The following ESRRG variants were observed in gnomAD, a reference collection of about 807,000 sequenced individuals.
ESRRG encodes the protein estrogen-related receptor gamma.
In ESRRG, 13 loss-of-function variants were observed where a neutral mutation model predicts 44.0. That is an observed-to-expected ratio of 0.30 (90% CI 0.19 to 0.47). The LOEUF (loss-of-function observed/expected upper bound fraction) is 0.47, where lower values mean the gene tolerates loss of function less well. Among genes scored for constraint, ESRRG ranks in the 20% least tolerant of loss-of-function variants. The probability of loss-of-function intolerance (pLI) is 1.00; values close to 1 mark genes in which losing one functional copy is unlikely to be tolerated. For missense variants in ESRRG, 395 were observed against 580.6 expected (o/e 0.68, Z 3.29); for synonymous variants, 215 against 214.6 (o/e 1.00, Z -0.02).
chr1:216,744,402 T>C (rs746305680), intron 2 of ESRRG, among the ~76,000 whole-genome samples: 18 of 152,174 alleles, frequency 1.2e-4, no homozygotes, highest in South Asian at 8.3e-4. Flanking sequence ...ACAACATTCA[T>C]AGGGTAACTC....
At chr1:216,673,553 A>C (rs1043471092) in intron 2 of ESRRG, among the ~76,000 whole-genome samples, 5 of 152,196 alleles carry the variant, frequency 3.3e-5, no homozygotes, top group African/African-American at 1.2e-4. Flanking sequence ...GAGCACATAC[A>C]TCAATGCCAA....
chr1:217,081,232 T>TTTC lies in ESRRG; in HGVS notation c.-106+8274_-106+8275insGAA, dbSNP rs1466832258. 1.0e-4 allele frequency among the ~76,000 whole-genome samples: 13 copies of TTTC among 129,344 alleles called. 1 individual carries two copies. The highest frequency in any genetic ancestry group is 1.8e-4 in the Non-Finnish European group (11 of 60,936). The allele number at this position is 129,344 out of a possible 152,430, so 84.9% of individuals were successfully genotyped here. A position where few individuals can be genotyped will look rare whatever the true frequency, so the allele number is the denominator to read the frequency against. Reference sequence around the variant, plus strand: ...TAGATAAAAATATTCTTTTTTTTTTTTTTTTTTTTTTTGAGACAGAGTTTT... The same window carrying TTTC: ...TAGATAAAAATATTCTTTTTTTTTTTTTCTTTTTTTTTTTTGAGACAGAGTTTT... On this transcript the variant is annotated intron_variant, in intron 1 of 7. Transcript: ENST00000359162.
chr1:216,701,281 TTGCTTCCCAAAA>T (rs2081345330), intron 1 of ESRRG: 2 of 152,178 alleles, frequency 1.3e-5, no homozygotes, highest in African/African-American at 4.8e-5. Context: ...CCACACTATC[TTGCTTCCCAAAA>T]TAAAGTGCAT....
At chr1:216,596,587 G>C (rs1182970745) in intron 3 of ESRRG, among the ~76,000 whole-genome samples, 2 of 152,170 alleles carry the variant, frequency 1.3e-5, no homozygotes, top group Non-Finnish European at 2.9e-5. Flanking sequence ...ATTTCTGTTT[G>C]TGAACATTAA....
At chr1:216,644,168 G>A (rs548192204) in intron 3 of ESRRG, among the ~76,000 whole-genome samples, 11 of 152,180 alleles carry the variant, frequency 7.2e-5, no homozygotes, top group African/African-American at 2.7e-4. Context: ...ATACTGGGTG[G>A]GGTCTTAACA....
At chr1:217,034,453 C>T (rs1238416522) in intron 1 of ESRRG, among the ~76,000 whole-genome samples, 1 of 152,110 alleles carries the variant, frequency 6.6e-6, no homozygotes, top group South Asian at 2.1e-4. Context: ...TGCTGCCACT[C>T]CTGGGTCTAG....
intron 3 of ESRRG, among the ~76,000 whole-genome samples, chr1:216,617,062 T>C (rs2061517090): frequency 1.3e-5 from 2 of 152,162 alleles, no homozygotes; most frequent in Non-Finnish European, 2.9e-5. Context: ...ATAAAACTCA[T>C]CCAATCTGTT....
Position 216,669,290 on chromosome 1 carries a change from C to T in ESRRG, c.472+7786G>A, listed in dbSNP as rs575214915. Reference sequence around the variant, plus strand: ...GGTGACTTCCCAAGTCAGAACAAACCGTGGAAAAGGAATCACTACTCATTT... The same window carrying T: ...GGTGACTTCCCAAGTCAGAACAAACTGTGGAAAAGGAATCACTACTCATTT... On this transcript the variant is annotated intron_variant, in intron 2 of 6. Transcript: ENST00000408911. Among the ~76,000 whole-genome samples, 16 of 152,190 alleles carry T rather than the reference C, an allele frequency of 1.1e-4. No individual in the cohort carries two copies. In the South Asian group the frequency reaches 2.1e-3, roughly 20 times the overall value.
chr1:216,757,122 C>G (rs1576210013), intron 2 of ESRRG, among the ~76,000 whole-genome samples: 1 of 152,028 alleles, frequency 6.6e-6, no homozygotes, highest in Non-Finnish European at 1.5e-5. Flanking sequence ...CTAATTCAGA[C>G]TGTAAATCTT....
intron 5 of ESRRG, among the ~76,000 whole-genome samples, chr1:216,544,531 A>C (rs547707919): frequency 6.6e-6 from 1 of 152,146 alleles, no homozygotes; most frequent in African/African-American, 2.4e-5. Context: ...TTGGTGCTTA[A>C]TCTGCGTTTC....
chr1:216,945,232 AAG>A (rs1255825135), intron 1 of ESRRG, among the ~76,000 whole-genome samples: 1 of 152,060 alleles, frequency 6.6e-6, no homozygotes, highest in Non-Finnish European at 1.5e-5. Context: ...CAAAGATGAG[AAG>A]AGAGAGTGCT....
chr1:217,111,895 G>A (rs2092665531), intron 1 of ESRRG, among the ~76,000 whole-genome samples: 1 of 152,128 alleles, frequency 6.6e-6, no homozygotes, highest in South Asian at 2.1e-4. Context: ...GACTTCCAAG[G>A]CTCACTCTTA....
intron 2 of ESRRG, among the ~76,000 whole-genome samples, chr1:216,879,332 A>G (rs2096405434): frequency 6.6e-6 from 1 of 151,986 alleles, no homozygotes; most frequent in African/African-American, 2.4e-5. Context: ...ACTGCAATTC[A>G]TCTCTCTCTG....
intron 2 of ESRRG, among the ~76,000 whole-genome samples, chr1:216,922,355 G>C (rs2061950575): frequency 6.6e-6 from 1 of 152,182 alleles, no homozygotes; most frequent in Admixed American, 6.5e-5. Flanking sequence ...CTGCCTAAGA[G>C]GGTTTCAGAC....
intron 2 of ESRRG, among the ~76,000 whole-genome samples, chr1:216,935,080 G>C (rs2063917635): frequency 6.6e-6 from 1 of 152,096 alleles, no homozygotes; most frequent in Admixed American, 6.5e-5. Flanking sequence ...AAATTAAACT[G>C]CTTTTCCTAC....
chr1:217,088,759 G>C (rs999863445), intron 1 of ESRRG, among the ~76,000 whole-genome samples: 1 of 152,044 alleles, frequency 6.6e-6, no homozygotes, highest in Non-Finnish European at 1.5e-5. Flanking sequence ...TGCCGGAAGG[G>C]AAAAGAAAGG....
chr1:216,828,180 C>T (rs1050663892), intron 2 of ESRRG, among the ~76,000 whole-genome samples: 4 of 152,138 alleles, frequency 2.6e-5, no homozygotes, highest in African/African-American at 4.8e-5. Context: ...CTGGGATCTT[C>T]GTAGTCCTCC....
intron 2 of ESRRG, among the ~76,000 whole-genome samples, chr1:216,738,528 C>T (rs912971389): frequency 6.6e-6 from 1 of 152,092 alleles, no homozygotes; most frequent in African/African-American, 2.4e-5. Context: ...AATTTAGTTG[C>T]TTTTCATTTT....
intron 1 of ESRRG, among the ~76,000 whole-genome samples, chr1:216,945,171 A>C (rs1465185279): frequency 1.3e-5 from 2 of 152,180 alleles, no homozygotes; most frequent in East Asian, 3.9e-4. Flanking sequence ...CTCTGCTCTC[A>C]ACCAAGGAGG....
Sources: gnomAD v4.1 joint callset for allele counts (sites outside exome capture counted in the v4.1 genomes callset) on GRCh38, gnomAD v4.1.1 for gene constraint, MANE v1.5 for transcripts, NCBI Gene and HGNC (gene_info 2026-07-23, HGNC 2026-07-21) for gene names.